NRXN3: variants seen among roughly 807,000 people sequenced by gnomAD.
NRXN3 encodes the protein neurexin 3.
A neutral mutation model predicts 137.6 loss-of-function variants in NRXN3; 32 were observed. The observed-to-expected ratio is 0.23, with a 90% confidence interval of 0.18 to 0.31. The LOEUF (loss-of-function observed/expected upper bound fraction) is 0.31, where lower values mean the gene tolerates loss of function less well. NRXN3 is among the 10% of genes least tolerant of loss of function. The pLI is 1.00. For missense variants in NRXN3, 1,574 were observed against 2,062.5 expected (o/e 0.76, Z 4.59); for synonymous variants, 798 against 784.5 (o/e 1.02, Z -0.29).
rs114530204 is a variant in NRXN3, at chr14:78,689,213, G to A, written c.1222-20004G>A. The stretch of plus-strand genomic sequence containing the variant: ...AAGTATAGTTAGTGCCATACTCATC[G>A]TTGTATTTTTCTTCTTTTTTACCTC... On this transcript the variant is annotated intron_variant, in intron 6 of 20. Transcript: ENST00000335750. 8.1e-3 allele frequency among the ~76,000 whole-genome samples: 1,228 copies of A among 152,106 alleles called. 21 individuals are homozygous for A. The highest frequency in any genetic ancestry group is 0.028 in the African/African-American group (1,171 of 41,516).
intron 10 of NRXN3, among the ~76,000 whole-genome samples, chr14:78,938,941 G>T (rs1011260436): frequency 1.3e-5 from 2 of 150,986 alleles, no homozygotes; most frequent in Non-Finnish European, 2.9e-5. Flanking sequence ...GCCCCCTGGG[G>T]TTCACGCCAT....
chr14:79,342,086 C>A (rs2092638282), intron 15 of NRXN3, among the ~76,000 whole-genome samples: 1 of 152,132 alleles, frequency 6.6e-6, no homozygotes, highest in African/African-American at 2.4e-5. Context: ...TTCCAGTAAC[C>A]AAATCTGTGG....
chr14:79,127,119 G>A (rs1268432855), intron 15 of NRXN3, among the ~76,000 whole-genome samples: 3 of 152,022 alleles, frequency 2.0e-5, no homozygotes, highest in African/African-American at 7.2e-5. Context: ...CTCCCATTTT[G>A]TGGGTTGCCC....
intron 15 of NRXN3, among the ~76,000 whole-genome samples, chr14:79,244,029 C>T (rs1198961605): frequency 6.6e-6 from 1 of 152,118 alleles, no homozygotes; most frequent in Non-Finnish European, 1.5e-5. Context: ...ACCCAGTAAT[C>T]ATCCTTATCC....
At chr14:78,527,614 A>C (rs370737321) in intron 4 of NRXN3, among the ~76,000 whole-genome samples, 1 of 152,260 alleles carries the variant, frequency 6.6e-6, no homozygotes, top group East Asian at 1.9e-4. Flanking sequence ...TGAACTTTCT[A>C]AGCTCCAATT....
In NRXN3 at chr14:79,560,580, G is replaced by A. The variant is rs1487048055; in HGVS notation, c.3444+93178G>A. On this transcript the variant is annotated intron_variant, in intron 16 of 20. Coordinates refer to ENST00000335750, the MANE Select transcript of NRXN3 (RefSeq NM_001330195.2). ...GGCTGGAGTGCAATGGCACAATCTCGGCTCACTGCAACCTCCGCCTCTTGG... is the reference window on the plus strand; with the variant it reads ...GGCTGGAGTGCAATGGCACAATCTCAGCTCACTGCAACCTCCGCCTCTTGG... 2.2e-5 allele frequency among the ~76,000 whole-genome samples: 3 copies of A among 133,784 alleles called. No individual in the cohort carries two copies. The South Asian group carries it at 7.1e-4, about 32-fold the overall frequency. 87.8% of individuals were successfully genotyped at this position (133,784 alleles called of 152,430 possible). A position where few individuals can be genotyped will look rare whatever the true frequency, so the allele number is the denominator to read the frequency against.
At chr14:79,007,677 G>A (rs1208040198) in intron 15 of NRXN3, among the ~76,000 whole-genome samples, 2 of 151,476 alleles carry the variant, frequency 1.3e-5, no homozygotes, top group African/African-American at 4.9e-5. Flanking sequence ...GTGGTGGTGG[G>A]CATCTATAGT....
In NRXN3 at chr14:78,243,133, G is replaced by A. The variant is rs761777061; in HGVS notation, c.40G>A (p.Val14Ile). The A allele has an allele frequency of 3.9e-6, 6 of 1,544,042 alleles. No individual in the cohort carries two copies. The South Asian group carries it at 7.1e-5, about 18-fold the overall frequency. Residue 14 changes from valine to isoleucine, a missense_variant, in exon 2 of 21, where the codon GTC becomes ATC. This residue lies in a region of NRXN3 where 400 missense variants were observed against 527.3 expected (regional missense o/e 0.76). Transcript: ENST00000335750. The surrounding 1 kb of genome is among the most constrained non-coding windows in gnomAD (Gnocchi z 4.2). The part of the protein sequence containing the change: ...TLHSVFFTLK[V>I]SILLGSLLGL... ...CCACTCGGTTTTCTTCACCCTGAAG[G>A]TCAGCATCCTGCTGGGGTCCCTGCT...
intron 15 of NRXN3, among the ~76,000 whole-genome samples, chr14:79,212,648 C>A (rs2067848930): frequency 6.6e-6 from 1 of 152,132 alleles, no homozygotes; most frequent in Non-Finnish European, 1.5e-5. Context: ...GTTAAGCTGT[C>A]TTCCTCTATG....
chr14:79,036,900 C>T (rs116120237), intron 15 of NRXN3, among the ~76,000 whole-genome samples: 2,665 of 152,002 alleles, frequency 0.018, 60 homozygotes, highest in African/African-American at 0.049. Flanking sequence ...TTATAAATGA[C>T]AAAATTTCCA....
intron 15 of NRXN3, among the ~76,000 whole-genome samples, chr14:79,050,948 A>G (rs994127370): frequency 1.3e-5 from 2 of 152,242 alleles, no homozygotes; most frequent in African/African-American, 4.8e-5. Context: ...CAGTAATAGA[A>G]TGAACACTCT....
intron 10 of NRXN3, among the ~76,000 whole-genome samples, chr14:78,829,688 G>T (rs1428189614): frequency 6.6e-6 from 1 of 152,048 alleles, no homozygotes; most frequent in East Asian, 1.9e-4. Context: ...TTTTCTGAAG[G>T]TTTTTAAAAT....
chr14:78,297,993 G>T, intron 4 of NRXN3, 133 bp downstream of exon 4: 2 of 1,021,652 alleles, frequency 2.0e-6, no homozygotes, highest in Non-Finnish European at 2.8e-6. Flanking sequence ...CAGGCTGGCT[G>T]CAGGACCACC....
intron 15 of NRXN3, among the ~76,000 whole-genome samples, chr14:79,021,763 G>A (rs1595020715): frequency 6.6e-6 from 1 of 152,184 alleles, no homozygotes; most frequent in East Asian, 1.9e-4. Flanking sequence ...TCACACAATA[G>A]AACTCTTATA....
intron 4 of NRXN3, among the ~76,000 whole-genome samples, chr14:78,557,592 A>G (rs1304586053): frequency 6.6e-6 from 1 of 152,220 alleles, no homozygotes; most frequent in Non-Finnish European, 1.5e-5. Context: ...CCAGGTGCCT[A>G]GTGGCCTTTA....
chr14:79,861,414 T>G lies in NRXN3; in HGVS notation c.4166T>G (p.Phe1389Cys), dbSNP rs1212936490. Residue 1389 changes from phenylalanine (F) to cysteine (C), a missense_variant, in exon 21 of 21, where the codon TTT becomes TGT. Physicochemically the swap from Phe to Cys is radical, Grantham distance 205. Around this residue, in one of 5 missense-constraint regions of NRXN3, gnomAD observed 320 missense variants for 387.1 expected, o/e 0.83. Transcript: ENST00000335750. This position sits in a 1 kb window ranked among gnomAD's most constrained non-coding sequence, Gnocchi z 5.4. ...GCGCCCAAGTGGGAATCCAAGGACT[T>G]TAGACCTAACAAAGTCTCCGAAACT... ...AHAPKWESKD[F>C]RPNKVSETSR... 1 of 1,536,288 alleles carries G rather than the reference T, an allele frequency of 6.5e-7. No individual in the cohort carries two copies. Among genetic ancestry groups the G allele is most frequent in the Non-Finnish European group, 8.7e-7 (1 of 1,146,954 alleles).
chr14:79,465,876 A>G (rs577749494), intron 15 of NRXN3, among the ~76,000 whole-genome samples: 2 of 152,380 alleles, frequency 1.3e-5, no homozygotes, highest in South Asian at 2.1e-4. Flanking sequence ...CCACTTGCCT[A>G]AAACCACAGA....
intron 15 of NRXN3, among the ~76,000 whole-genome samples, chr14:79,034,887 A>G (rs1222773900): frequency 2.0e-5 from 3 of 152,168 alleles, no homozygotes; most frequent in African/African-American, 4.8e-5. Context: ...GATGTAAACT[A>G]TTCTTAAATG....
At chr14:79,095,500 T>TAAA (rs2050147205) in intron 15 of NRXN3, among the ~76,000 whole-genome samples, 2 of 152,152 alleles carry the variant, frequency 1.3e-5, no homozygotes, top group African/African-American at 4.8e-5. Flanking sequence ...TCACACGTGC[T>TAAA]TGCCTTCATA....
Sources: gnomAD v4.1 joint callset for allele counts (sites outside exome capture counted in the v4.1 genomes callset) on GRCh38, gnomAD v4.1.1 for gene constraint, gnomAD v4.1.1 regional missense constraint, Gnocchi (gnomAD v3.1) non-coding constraint, MANE v1.5 for transcripts, NCBI Gene and HGNC (gene_info 2026-07-23, HGNC 2026-07-21) for gene names.